Variants in HNRNPC observed in about 807,000 individuals in gnomAD.
The protein encoded by HNRNPC is heterogeneous nuclear ribonucleoprotein C.
Under a neutral mutation model 33.2 loss-of-function variants are expected in HNRNPC, and 3 were observed. The ratio of observed to expected loss-of-function variants is 0.09; its 90% CI spans 0.04 to 0.23. HNRNPC has a LOEUF of 0.23. Among genes scored for constraint, HNRNPC ranks in the 10% least tolerant of loss-of-function variants. The probability of loss-of-function intolerance (pLI) is 1.00; values close to 1 mark genes in which losing one functional copy is unlikely to be tolerated. For synonymous variants in HNRNPC, 121 were observed against 126.7 expected (o/e 0.96, Z 0.30); for missense variants, 143 against 366.7 (o/e 0.39, Z 4.98).
At position 21,209,829 on chromosome 14, in the gene HNRNPC, C is replaced by T. The variant is rs1347475730; in HGVS notation, c.*1394G>A. The T allele has an allele frequency of 1.3e-5, 2 of 152,150 alleles. No individual in the cohort carries two copies. The highest frequency in any genetic ancestry group is 4.8e-5 in the African/African-American group (2 of 41,446). The allele number at this position is 152,150 out of a possible 1,614,324, so 9.4% of individuals were successfully genotyped here. ...AACTGAAGTATAAAACACAAATGAA[C>T]TAAGCCTTTCAAGGATGAGGTATCA... On this transcript the variant is annotated 3_prime_UTR_variant, in exon 9 of 9. Coordinates refer to ENST00000553300, the MANE Select transcript of HNRNPC (RefSeq NM_004500.4).
At chr14:21,222,252 G>C (rs1485205576) in intron 5 of HNRNPC, among the ~76,000 whole-genome samples, 1 of 152,186 alleles carries the variant, frequency 6.6e-6, no homozygotes, top group Non-Finnish European at 1.5e-5. Flanking sequence ...GCCACTTTTA[G>C]CTGTTGGTCA....
chr14:21,254,841 G>C (rs538373335), intron 2 of HNRNPC, among the ~76,000 whole-genome samples: 2 of 149,576 alleles, frequency 1.3e-5, no homozygotes, highest in South Asian at 4.1e-4. Context: ...GGGAGGCGGA[G>C]GTTGCGGTAG....
chr14:21,263,015 G>A (rs1878475090), intron 2 of HNRNPC: 1 of 152,056 alleles, frequency 6.6e-6, no homozygotes, highest in African/African-American at 2.4e-5. Context: ...GGGCAAGGGT[G>A]GGGTTGGGAG....
At position 21,256,097 on chromosome 14, in the gene HNRNPC, A is replaced by T. The variant is rs577278233; in HGVS notation, c.-37+7214T>A. On this transcript the variant is annotated intron_variant, in intron 2 of 8. Coordinates refer to ENST00000553300, the MANE Select transcript of HNRNPC (RefSeq NM_004500.4). The stretch of plus-strand genomic sequence containing the variant: ...GGGATGCCCTGTAAATCACAGAAAA[A>T]TTTTTGACTTCAATGCTGAAAAAGG... Among the ~76,000 whole-genome samples, 21 of 151,608 alleles carry T rather than the reference A, an allele frequency of 1.4e-4. No individual in the cohort carries two copies. In the East Asian group the frequency reaches 3.3e-3, roughly 24 times the overall value.
Position 21,234,221 on chromosome 14 carries a change from A to G in HNRNPC, c.-28T>C. On this transcript the variant is annotated 5_prime_UTR_variant, in exon 3 of 9. Coordinates refer to ENST00000553300, the MANE Select transcript of HNRNPC (RefSeq NM_004500.4). ...TGTTTGATGGTAAGGTTTCTCACAA[A>G]GCCGAAAACTGTAAAGCAAAAAAAA... is the stretch of plus-strand genomic sequence containing the variant. The G allele has an allele frequency of 1.2e-6, 2 of 1,608,222 alleles. No individual in the cohort carries two copies. The highest frequency in any genetic ancestry group is 1.7e-6 in the Non-Finnish European group (2 of 1,176,796).
chr14:21,249,237 G>A (rs1189027918), intron 2 of HNRNPC, among the ~76,000 whole-genome samples: 1 of 151,788 alleles, frequency 6.6e-6, no homozygotes, highest in African/African-American at 2.4e-5. Context: ...GCAAAAACTG[G>A]GCCCTTCTCT....
At chr14:21,251,521 A>C (rs1046958851) in intron 2 of HNRNPC, among the ~76,000 whole-genome samples, 5 of 152,180 alleles carry the variant, frequency 3.3e-5, no homozygotes, top group Middle Eastern at 3.4e-3. Flanking sequence ...TCCACTAAAA[A>C]TACAAAATCT....
intron 5 of HNRNPC, among the ~76,000 whole-genome samples, chr14:21,226,132 C>G (rs1179504170): frequency 6.6e-6 from 1 of 151,670 alleles, no homozygotes; most frequent in African/African-American, 2.4e-5. Flanking sequence ...ACCAGTCTGG[C>G]CAACATACTG....
At chr14:21,239,601 C>T (rs185965164) in intron 2 of HNRNPC, among the ~76,000 whole-genome samples, 6 of 151,820 alleles carry the variant, frequency 4.0e-5, no homozygotes, top group Admixed American at 2.0e-4. Context: ...AGGCCAGGCA[C>T]GGTGGCTCAC....
intron 2 of HNRNPC, among the ~76,000 whole-genome samples, chr14:21,243,554 T>C (rs1053716933): frequency 6.6e-5 from 10 of 152,220 alleles, no homozygotes; most frequent in African/African-American, 2.4e-4. Context: ...TTCTGTCAAA[T>C]CTGCTTATGT....
intron 2 of HNRNPC, among the ~76,000 whole-genome samples, chr14:21,236,785 G>A (rs1255911345): frequency 6.6e-6 from 1 of 152,114 alleles, no homozygotes; most frequent in Non-Finnish European, 1.5e-5. Context: ...TGGGATTCTT[G>A]GAAGGGGTCA....
intron 5 of HNRNPC, among the ~76,000 whole-genome samples, chr14:21,222,659 G>T (rs370733045): frequency 6.6e-6 from 1 of 152,070 alleles, no homozygotes; most frequent in African/African-American, 2.4e-5. Context: ...TTGGGAGGCC[G>T]AGGCAGGCAG....
chr14:21,260,908 AC>A (rs1361486622), intron 2 of HNRNPC, among the ~76,000 whole-genome samples: 2 of 147,476 alleles, frequency 1.4e-5, no homozygotes, highest in Non-Finnish European at 3.0e-5. Flanking sequence ...GGTTGCAGTG[AC>A]CCAAGATGGC....
chr14:21,239,399 G>C (rs1895091310), intron 2 of HNRNPC, among the ~76,000 whole-genome samples: 2 of 152,080 alleles, frequency 1.3e-5, no homozygotes, highest in South Asian at 4.1e-4. Flanking sequence ...AAAAATGCTT[G>C]AACCTTGGAG....
At chr14:21,241,102 CTA>C (rs1383382780) in intron 2 of HNRNPC, among the ~76,000 whole-genome samples, 2 of 151,910 alleles carry the variant, frequency 1.3e-5, no homozygotes, top group African/African-American at 2.4e-5. Context: ...AACCCTGTCT[CTA>C]CTAAAGACAA....
chr14:21,241,586 T>C (rs901587566), intron 2 of HNRNPC, among the ~76,000 whole-genome samples: 1 of 152,234 alleles, frequency 6.6e-6, no homozygotes, highest in South Asian at 2.1e-4. Flanking sequence ...ACTTCAAGTC[T>C]TATTTTGCCT....
rs373493697 is a variant in HNRNPC at position 21,231,008 on chromosome 14, C to T, written c.306G>A (p.Ala102=). 158 of 1,614,174 alleles carry T rather than the reference C, an allele frequency of 9.8e-5. No individual in the cohort carries two copies. In the East Asian group the frequency reaches 2.9e-3, roughly 29 times the overall value. ...GTTCTGTTACTGACCCGTACATCTC[C>T]GCTGCAGATCGTTTCACACCTGCTT... The part of the protein sequence containing the change: ...RGKAGVKRSA[A]EMYGSSFDLD... Residue 102 remains alanine, a synonymous_variant, in exon 4 of 9, where the codon GCG becomes GCA. Coordinates refer to ENST00000553300, the MANE Select transcript of HNRNPC (RefSeq NM_004500.4).
intron 1 of HNRNPC, among the ~76,000 whole-genome samples, chr14:21,266,678 C>T (rs1391436080): frequency 6.7e-6 from 1 of 149,494 alleles, no homozygotes; most frequent in Non-Finnish European, 1.5e-5. Context: ...CTTCCCATTT[C>T]CAATGAGAAT....
At chr14:21,211,662 A>T (rs1382793458) in intron 7 of HNRNPC, 96 bp from the exon 8 acceptor site, 51 of 1,452,642 alleles carry the variant, frequency 3.5e-5, no homozygotes, top group Non-Finnish European at 4.6e-5. Context: ...CACAAATCTA[A>T]ATCCTCCCAC....
Sources: gnomAD v4.1 joint callset for allele counts (sites outside exome capture counted in the v4.1 genomes callset) on GRCh38, gnomAD v4.1.1 for gene constraint, MANE v1.5 for transcripts, NCBI Gene and HGNC (gene_info 2026-07-23, HGNC 2026-07-21) for gene names.